The following SEMA3A variants were observed in gnomAD, a reference collection of about 807,000 sequenced individuals.
The protein encoded by SEMA3A is semaphorin 3A, also known as semaphorin-3A.
SEMA3A carries 29 observed loss-of-function variants against 97.9 expected under a neutral mutation model. The ratio of observed to expected loss-of-function variants is 0.30; its 90% CI spans 0.22 to 0.40. The LOEUF is 0.40. SEMA3A is among the 10% of genes least tolerant of loss of function. SEMA3A has a pLI of 1.00. For missense variants in SEMA3A, 763 were observed against 951.3 expected (o/e 0.80, Z 2.60); for synonymous variants, 321 against 323.7 (o/e 0.99, Z 0.09).
chr7:84,237,745 C>T (rs552020097), intron 3 of SEMA3A, among the ~76,000 whole-genome samples: 2 of 152,042 alleles, frequency 1.3e-5, no homozygotes, highest in Non-Finnish European at 2.9e-5. Context: ...AATCACAGAA[C>T]ATACATCCTG....
intron 3 of SEMA3A, among the ~76,000 whole-genome samples, chr7:84,208,357 C>T (rs1365412546): frequency 1.7e-4 from 25 of 151,256 alleles, no homozygotes; most frequent in Admixed American, 1.4e-3. Context: ...GAGGCTGAGG[C>T]AGGAGAATGG....
At chr7:84,292,310 C>T (rs1800768068) in intron 3 of SEMA3A, among the ~76,000 whole-genome samples, 1 of 151,876 alleles carries the variant, frequency 6.6e-6, no homozygotes, top group African/African-American at 2.4e-5. Context: ...GGTAGAATAT[C>T]TACTTACTAT....
At position 83,960,635 on chromosome 7, in the gene SEMA3A, A is replaced by T. The variant is rs1206468428; in HGVS notation, c.*736T>A. On this transcript the variant is annotated 3_prime_UTR_variant, in exon 17 of 17. Coordinates refer to ENST00000265362, the MANE Select transcript of SEMA3A (RefSeq NM_006080.3). ...CACCATTGGAATTTTTAAAACAAAA[A>T]CTACATAGCACAATAATTGTAAGAC... 2 of 152,518 alleles carry T rather than the reference A, an allele frequency of 1.3e-5. No homozygotes were observed. The highest frequency in any genetic ancestry group is 2.9e-5 in the Non-Finnish European group (2 of 67,992). The allele number at this position is 152,518 out of a possible 1,614,324, so 9.4% of individuals were successfully genotyped here. A position where few individuals can be genotyped will look rare whatever the true frequency, so the allele number is the denominator to read the frequency against.
chr7:84,165,099 T>C (rs1261379554), intron 1 of SEMA3A, among the ~76,000 whole-genome samples: 1 of 152,066 alleles, frequency 6.6e-6, no homozygotes, highest in African/African-American at 2.4e-5. Flanking sequence ...TCTCAGCTAC[T>C]TGGGAGGCTG....
At chr7:84,325,785 A>T (rs1801761852) in intron 2 of SEMA3A, among the ~76,000 whole-genome samples, 2 of 152,244 alleles carry the variant, frequency 1.3e-5, no homozygotes, top group South Asian at 4.1e-4. Flanking sequence ...TTCAATATAC[A>T]TATACATTGT....
chr7:84,357,216 G>C (rs933094069), intron 2 of SEMA3A, among the ~76,000 whole-genome samples: 1 of 151,474 alleles, frequency 6.6e-6, no homozygotes, highest in African/African-American at 2.4e-5. Context: ...TGCCATGTTG[G>C]TGTGCTGCAC....
intron 2 of SEMA3A, among the ~76,000 whole-genome samples, chr7:84,320,760 G>A (rs1477149021): frequency 6.6e-6 from 1 of 152,054 alleles, no homozygotes; most frequent in Non-Finnish European, 1.5e-5. Flanking sequence ...ATGATGTAGT[G>A]AGAGAGCAGG....
intron 1 of SEMA3A, among the ~76,000 whole-genome samples, chr7:84,373,242 C>A (rs551313798): frequency 6.6e-6 from 1 of 152,282 alleles, no homozygotes; most frequent in African/African-American, 2.4e-5. Flanking sequence ...TTTAAGGCCA[C>A]CAACTTTCCT....
intron 3 of SEMA3A, among the ~76,000 whole-genome samples, chr7:84,204,070 C>T (rs754338030): frequency 4.6e-5 from 7 of 152,118 alleles, no homozygotes; most frequent in East Asian, 1.9e-4. Context: ...CTATAGCCGG[C>T]GGACTATCAC....
chr7:84,117,461 C>T (rs980201390), intron 3 of SEMA3A, among the ~76,000 whole-genome samples: 2 of 152,146 alleles, frequency 1.3e-5, no homozygotes, highest in African/African-American at 4.8e-5. Flanking sequence ...AGACTGGTAC[C>T]AGTCAGGGTC....
At chr7:84,196,604 G>A (rs972180276), upstream of SEMA3A, among the ~76,000 whole-genome samples, 21 of 152,126 alleles carry the variant, frequency 1.4e-4, no homozygotes, top group Non-Finnish European at 1.8e-4. Context: ...AAATAATGTT[G>A]ATTTTACTGA....
rs545390467 is a variant in SEMA3A, at chr7:83,961,992, T to C, written c.1861-166A>G. The stretch of plus-strand genomic sequence containing the variant: ...TGATAGCATTTTCCCATTAGGAGAA[T>C]TATAATATCTGTCAATTGTTTTTAA... On this transcript the variant is annotated intron_variant, in intron 16 of 16. Coordinates refer to ENST00000265362, the MANE Select transcript of SEMA3A (RefSeq NM_006080.3). 1.1e-3 allele frequency among the ~76,000 whole-genome samples: 172 copies of C among 152,282 alleles called. 2 individuals are homozygous for C. The highest frequency in any genetic ancestry group is 4.0e-3 in the African/African-American group (166 of 41,570).
rs1310311545 is a variant in SEMA3A, at chr7:84,067,383, C to T, written c.454-6825G>A. On this transcript the variant is annotated intron_variant, in intron 4 of 16. Transcript: ENST00000265362. ...ATGGGCAAGGACTTCATGTCTAAAA[C>T]ACCAAAAGCCATGGCAACAAAAGCC... 4.6e-5 allele frequency among the ~76,000 whole-genome samples: 7 copies of T among 152,236 alleles called. No homozygotes were observed. In the South Asian group the frequency reaches 8.3e-4, roughly 18 times the overall value.
At chr7:84,235,070 A>G (rs1584152561) in intron 3 of SEMA3A, among the ~76,000 whole-genome samples, 1 of 152,220 alleles carries the variant, frequency 6.6e-6, no homozygotes, top group Non-Finnish European at 1.5e-5. Context: ...GGTAATATAT[A>G]CGAAAATGAT....
rs1799327584 is a variant in SEMA3A at position 84,240,295 on chromosome 7, T to A, written c.-82-45627A>T. On this transcript the variant is annotated intron_variant, in intron 3 of 3. Transcript: ENST00000424555. Reference sequence around the variant, plus strand: ...AAAGATCTTTAATGCCTGGAAACTGTGAATGTTACTTTGAGTGGCGAAGTT... The same window carrying A: ...AAAGATCTTTAATGCCTGGAAACTGAGAATGTTACTTTGAGTGGCGAAGTT... Among the ~76,000 whole-genome samples the A allele has an allele frequency of 2.0e-5, 3 of 152,174 alleles. No individual in the cohort carries two copies. In the South Asian group the frequency reaches 6.2e-4, roughly 32 times the overall value.
chr7:84,279,758 C>T (rs1240023151), intron 3 of SEMA3A, among the ~76,000 whole-genome samples: 1 of 152,122 alleles, frequency 6.6e-6, no homozygotes, highest in African/African-American at 2.4e-5. Flanking sequence ...GTGAAAACTT[C>T]TTGAAGTTAG....
chr7:84,217,984 C>T (rs1387145414), intron 3 of SEMA3A, among the ~76,000 whole-genome samples: 1 of 151,414 alleles, frequency 6.6e-6, no homozygotes, highest in Non-Finnish European at 1.5e-5. Context: ...ACTTGGGAAG[C>T]TAAGGCCTCT....
chr7:84,057,079 A>G (rs1297285303), intron 5 of SEMA3A, among the ~76,000 whole-genome samples: 1 of 152,184 alleles, frequency 6.6e-6, no homozygotes, highest in East Asian at 1.9e-4. Flanking sequence ...TATTTGCTCT[A>G]GTATCAAGTG....
intron 6 of SEMA3A, among the ~76,000 whole-genome samples, chr7:84,038,872 ATCT>A (rs1156879501): frequency 6.6e-6 from 1 of 152,148 alleles, no homozygotes; most frequent in East Asian, 1.9e-4. Context: ...TCATTGTTTC[ATCT>A]TCTAATTTTG....
Sources: allele counts gnomAD v4.1 joint callset (sites outside exome capture counted in the v4.1 genomes callset), GRCh38; gene constraint gnomAD v4.1.1; transcripts MANE v1.5; gene names NCBI Gene and HGNC (gene_info 2026-07-23, HGNC 2026-07-21).